Variants in RYR3 observed in about 807,000 individuals in gnomAD.
The protein encoded by RYR3 is ryanodine receptor 3.
RYR3 carries 207 observed loss-of-function variants against 584.3 expected under a neutral mutation model. The ratio of observed to expected loss-of-function variants is 0.35; its 90% CI spans 0.32 to 0.40. RYR3 has a LOEUF of 0.40. Among genes scored for constraint, RYR3 ranks in the 10% least tolerant of loss-of-function variants. The pLI is 1.00. For synonymous variants in RYR3, 2,416 were observed against 2,248.5 expected (o/e 1.07, Z -2.11); for missense variants, 5,616 against 6,089.2 (o/e 0.92, Z 2.59).
At chr15:33,762,168 T>C (rs971994920) in intron 60 of RYR3, among the ~76,000 whole-genome samples, 1 of 152,118 alleles carries the variant, frequency 6.6e-6, no homozygotes, top group African/African-American at 2.4e-5. Context: ...GGGCAAAAGC[T>C]GGAAGCATTC....
chr15:33,624,114 A>G (rs761680293), intron 20 of RYR3, 91 bp downstream of exon 20: 1 of 862,762 alleles, frequency 1.2e-6, no homozygotes, highest in Non-Finnish European at 1.9e-6. Flanking sequence ...ACCTTTCTTA[A>G]TATACATGCT....
At chr15:33,422,165 G>A (rs560013496) in intron 1 of RYR3, among the ~76,000 whole-genome samples, 62 of 152,220 alleles carry the variant, frequency 4.1e-4, no homozygotes, top group African/African-American at 1.3e-3. Flanking sequence ...CTGTGGGGGT[G>A]ATCCTTTGAG....
chr15:33,761,752 TA>T (rs1455912746), intron 60 of RYR3, among the ~76,000 whole-genome samples: 1 of 152,244 alleles, frequency 6.6e-6, no homozygotes, highest in Non-Finnish European at 1.5e-5. Flanking sequence ...TAACTCATTT[TA>T]TGAGGCCAGC....
Position 33,377,560 on chromosome 15 carries a change from A to C in RYR3, c.51+66464A>C, listed in dbSNP as rs1595897377. On this transcript the variant is annotated intron_variant, in intron 1 of 103. Transcript: ENST00000634891. ...GGATTGGAGCAAGTTAGAGTCCGAT[A>C]ACTTTCATATGCAAGGGATTATAGC... 2.0e-5 allele frequency among the ~76,000 whole-genome samples: 3 copies of C among 152,372 alleles called. No individual in the cohort carries two copies. The South Asian group carries it at 6.2e-4, about 32-fold the overall frequency.
At chr15:33,854,666 C>G in intron 97 of RYR3, 100 bp from the exon 98 acceptor site, 1 of 1,458,814 alleles carries the variant, frequency 6.9e-7, no homozygotes, top group Non-Finnish European at 9.3e-7. Context: ...ACCTAAACCC[C>G]CTCTATCCTC....
chr15:33,386,949 C>T (rs1390142590), intron 1 of RYR3, among the ~76,000 whole-genome samples: 1 of 152,070 alleles, frequency 6.6e-6, no homozygotes, highest in Non-Finnish European at 1.5e-5. Context: ...GCTCCGCCTC[C>T]CAGGTTCATG....
At chr15:33,578,225 A>G (rs2152509520) in intron 12 of RYR3, among the ~76,000 whole-genome samples, 1 of 152,332 alleles carries the variant, frequency 6.6e-6, no homozygotes, top group East Asian at 1.9e-4. Flanking sequence ...TAGAGCCAGA[A>G]ATACCATTTG....
chr15:33,705,782 G>A (rs1219748782), intron 42 of RYR3, among the ~76,000 whole-genome samples: 2 of 152,150 alleles, frequency 1.3e-5, no homozygotes, highest in South Asian at 2.1e-4. Context: ...GATGCAGAAC[G>A]AGAGTAGACA....
At chr15:33,411,288 C>T (rs2043387054) in intron 1 of RYR3, among the ~76,000 whole-genome samples, 1 of 152,174 alleles carries the variant, frequency 6.6e-6, no homozygotes, top group African/African-American at 2.4e-5. Flanking sequence ...ATGTATTTTC[C>T]TTGTCTCTAC....
intron 36 of RYR3, among the ~76,000 whole-genome samples, chr15:33,667,940 G>A (rs2063576946): frequency 6.6e-6 from 1 of 151,708 alleles, no homozygotes; most frequent in Non-Finnish European, 1.5e-5. Flanking sequence ...GTGCGCACCT[G>A]TAATCCCAGC....
At position 33,865,272 on chromosome 15, in the gene RYR3, T is replaced by G. The variant is rs1286479707; in HGVS notation, c.*46T>G. On this transcript the variant is annotated 3_prime_UTR_variant, in exon 104 of 104. Transcript: ENST00000634891. ...ACAATTCTGGACAGTCAACTTCCCA[T>G]GAAATAAAGTCCCCTTTTTACAGTT... 1 of 1,351,390 alleles carries G rather than the reference T, an allele frequency of 7.4e-7. No homozygotes were observed. Among genetic ancestry groups the G allele is most frequent in the Non-Finnish European group, 1.1e-6 (1 of 949,666 alleles). 83.7% of individuals were successfully genotyped at this position (1,351,390 alleles called of 1,614,324 possible).
At chr15:33,576,139 C>T (rs2058291376) in intron 12 of RYR3, among the ~76,000 whole-genome samples, 1 of 152,128 alleles carries the variant, frequency 6.6e-6, no homozygotes, top group African/African-American at 2.4e-5. Flanking sequence ...ACCAGAAAAG[C>T]CCAGGACAGG....
intron 27 of RYR3, among the ~76,000 whole-genome samples, chr15:33,637,740 C>CT (rs563387658): frequency 5.3e-5 from 8 of 152,202 alleles, no homozygotes; most frequent in South Asian, 4.2e-4. Context: ...GACTTTTGCA[C>CT]TTTTTTTTCA....
At chr15:33,755,431 C>T (rs1287654085) in intron 58 of RYR3, among the ~76,000 whole-genome samples, 1 of 151,968 alleles carries the variant, frequency 6.6e-6, no homozygotes, top group Non-Finnish European at 1.5e-5. Flanking sequence ...CCATCCTGGC[C>T]AACATGGTGA....
chr15:33,464,774 T>C (rs1282853509), intron 1 of RYR3, among the ~76,000 whole-genome samples: 1 of 151,912 alleles, frequency 6.6e-6, no homozygotes, highest in Non-Finnish European at 1.5e-5. Flanking sequence ...TTTTAGCAAA[T>C]CTCAATTATA....
At chr15:33,425,846 G>T (rs373309976) in intron 1 of RYR3, among the ~76,000 whole-genome samples, 2 of 151,976 alleles carry the variant, frequency 1.3e-5, no homozygotes, top group East Asian at 3.9e-4. Flanking sequence ...GTTTCACCGT[G>T]TTAGCCAGGA....
chr15:33,360,241 A>G lies in RYR3; in HGVS notation c.51+49145A>G, dbSNP rs138081670. Among the ~76,000 whole-genome samples the G allele has an allele frequency of 1.9e-3, 284 of 152,214 alleles. 3 individuals carry two copies. The highest frequency in any genetic ancestry group is 6.5e-3 in the African/African-American group (271 of 41,552). On this transcript the variant is annotated intron_variant, in intron 1 of 103. Coordinates refer to ENST00000634891, the MANE Select transcript of RYR3 (RefSeq NM_001036.6). ...CACTCTTACAGTCGTGAGATAGGAC[A>G]GTTTCCCCCACCCCTCCACAGTCAG...
At chr15:33,639,102 G>A (rs2061658251) in intron 27 of RYR3, among the ~76,000 whole-genome samples, 2 of 152,214 alleles carry the variant, frequency 1.3e-5, no homozygotes, top group Admixed American at 1.3e-4. Context: ...GGTTTGAGCA[G>A]AGGAATACTA....
chr15:33,475,858 G>A (rs1200170074), intron 2 of RYR3, among the ~76,000 whole-genome samples: 1 of 152,162 alleles, frequency 6.6e-6, no homozygotes, highest in Non-Finnish European at 1.5e-5. Flanking sequence ...TGGTTATTAT[G>A]ATTTCATATT....
Sources: gnomAD v4.1 joint callset for allele counts (sites outside exome capture counted in the v4.1 genomes callset) on GRCh38, gnomAD v4.1.1 for gene constraint, MANE v1.5 for transcripts, NCBI Gene and HGNC (gene_info 2026-07-23, HGNC 2026-07-21) for gene names.